Variants in ITGAD observed in about 807,000 individuals in gnomAD.
The protein encoded by ITGAD is integrin alpha-D.
ITGAD carries 105 observed loss-of-function variants against 139.0 expected under a neutral mutation model. The observed-to-expected ratio is 0.76, with a 90% confidence interval of 0.65 to 0.89. The LOEUF (loss-of-function observed/expected upper bound fraction) is 0.89. Among genes scored for constraint, ITGAD ranks in the 40% least tolerant of loss-of-function variants. The pLI is 0.00. For missense variants in ITGAD, 1,384 were observed against 1,487.3 expected (o/e 0.93, Z 1.14); for synonymous variants, 569 against 598.3 (o/e 0.95, Z 0.71).
chr16:31,417,558 C>T lies in ITGAD; in HGVS notation c.2500-517C>T, dbSNP rs2081921070. Among the ~76,000 whole-genome samples the T allele has an allele frequency of 2.0e-5, 3 of 151,660 alleles. No individual in the cohort carries two copies. The South Asian group carries it at 6.2e-4, about 31-fold the overall frequency. ...CAATTTCTTTTTCTTCTTTCTCCTC[C>T]TCTTCCTCTTGTACTTTCTTTACTT... On this transcript the variant is annotated intron_variant, in intron 20 of 29. Transcript: ENST00000389202.
intron 14 of ITGAD, among the ~76,000 whole-genome samples, chr16:31,412,223 T>C (rs2081741873): frequency 6.6e-6 from 1 of 152,218 alleles, no homozygotes; most frequent in Admixed American, 6.5e-5. Flanking sequence ...TTTGTATTTT[T>C]AGTAGAGATG....
rs769152136 is a variant in ITGAD, at chr16:31,423,112, A to T, written c.2781-2A>T. On this transcript the variant is annotated splice_acceptor_variant, in intron 23 of 29. Coordinates refer to ENST00000389202, the MANE Select transcript of ITGAD (RefSeq NM_005353.3). LOFTEE classifies it high-confidence loss of function. The stretch of plus-strand genomic sequence containing the variant: ...TTTTTCACCCACAGGCTCTCTCTCC[A>T]GGCAGGAAGAATCCACCAAGTACTT... The T allele has an allele frequency of 6.2e-7, 1 of 1,613,760 alleles. No individual in the cohort carries two copies. The highest frequency in any genetic ancestry group is 2.2e-5 in the East Asian group (1 of 44,876).
intron 23 of ITGAD, 93 bp downstream of exon 23, chr16:31,418,657 A>G: frequency 5.4e-6 from 5 of 928,820 alleles, no homozygotes; most frequent in Middle Eastern, 2.1e-4. Flanking sequence ...AATGATGCAC[A>G]TCTAAGCTCT....
rs780498319 is a variant in ITGAD, at chr16:31,424,244, A to G, written c.3261+41A>G. ...AGGGCAGCGACCAGCTGGAAAGAGG[A>G]CCCCTAGGGCTACATCTGTGGTGCT... is the stretch of plus-strand genomic sequence containing the variant. On this transcript the variant is annotated intron_variant, in intron 28 of 29. Coordinates refer to ENST00000389202, the MANE Select transcript of ITGAD (RefSeq NM_005353.3). 35 of 1,609,092 alleles carry G rather than the reference A, an allele frequency of 2.2e-5. No homozygotes were observed. In the South Asian group the frequency reaches 3.2e-4, roughly 15 times the overall value.
chr16:31,424,002 G>T lies in ITGAD; in HGVS notation c.3159+44G>T, dbSNP rs2082060859. The T allele has an allele frequency of 3.1e-6, 5 of 1,609,912 alleles. No individual in the cohort carries two copies. The Admixed American group carries it at 5.0e-5, about 16-fold the overall frequency. Reference sequence around the variant, plus strand: ...AGAGCCCCTGCCCCAGACTCAGGCAGGACCTGGCATGTCTGTGCCCATCTG... The same window carrying T: ...AGAGCCCCTGCCCCAGACTCAGGCATGACCTGGCATGTCTGTGCCCATCTG... On this transcript the variant is annotated intron_variant, in intron 27 of 29. Transcript: ENST00000389202.
chr16:31,403,342 G>A lies in ITGAD; in HGVS notation c.559-158G>A. 2 of 796,098 alleles carry A rather than the reference G, an allele frequency of 2.5e-6. No homozygotes were observed. The highest frequency in any genetic ancestry group is 4.0e-6 in the Non-Finnish European group (2 of 497,230). The allele number at this position is 796,098 out of a possible 1,614,324, so 49.3% of individuals were successfully genotyped here. On this transcript the variant is annotated intron_variant, in intron 6 of 29. Coordinates refer to ENST00000389202, the MANE Select transcript of ITGAD (RefSeq NM_005353.3). This position sits in a 1 kb window ranked among gnomAD's most constrained non-coding sequence, Gnocchi z 4.4. ...CAAAACAAAACAAAAAACAAAGCCA[G>A]GCATGTGACGTGTGCCTGTAGTTCC...
rs751767956 is a variant in ITGAD, at chr16:31,393,372, C to A, written c.12C>A (p.Gly4=). 5.6e-6 allele frequency: 9 copies of A among 1,614,020 alleles called. No individual in the cohort carries two copies. The Admixed American group carries it at 1.5e-4, about 27-fold the overall frequency. Residue 4 remains glycine, a synonymous_variant, in exon 1 of 30, where the codon GGC becomes GGA. Transcript: ENST00000389202. ...CGCGCTGCTCAGGGATGACCTTCGG[C>A]ACTGTGCTTCTTCTGAGTGGTAAGT... MTF[G]TVLLLSVLAS... is the part of the protein sequence containing the mutation.
Position 31,397,437 on chromosome 16 carries a change from C to A in ITGAD, c.216C>A (p.Gly72=). ...TGTATGACTGCGCAGCTGCCACCGG[C>A]ATGTGCCAGCCCATCCCGCTGCACA... is the stretch of plus-strand genomic sequence containing the variant. The part of the protein sequence containing the change: ...GRLYDCAAAT[G]MCQPIPLHIR... Residue 72 remains glycine (G), a synonymous_variant, in exon 3 of 30, where the codon GGC becomes GGA. Coordinates refer to ENST00000389202, the MANE Select transcript of ITGAD (RefSeq NM_005353.3). 6.2e-7 allele frequency: 1 copy of A among 1,600,038 alleles called. No individual in the cohort carries two copies. The highest frequency in any genetic ancestry group is 2.3e-5 in the East Asian group (1 of 44,168).
At chr16:31,404,448 G>C (rs925479430) in intron 7 of ITGAD, 1 of 152,204 alleles carries the variant, frequency 6.6e-6, no homozygotes, top group Non-Finnish European at 1.5e-5. Flanking sequence ...CCCACCAAAC[G>C]CACCCTCTTT....
chr16:31,420,131 C>T (rs560208967), intron 23 of ITGAD, among the ~76,000 whole-genome samples: 3 of 152,274 alleles, frequency 2.0e-5, no homozygotes, highest in East Asian at 3.9e-4. Flanking sequence ...GGAGCTTGTG[C>T]CCAACAGGAT....
chr16:31,425,972 G>A, intron 29 of ITGAD, 43 bp from the exon 30 acceptor site: 1 of 1,357,220 alleles, frequency 7.4e-7, no homozygotes, highest in Non-Finnish European at 1.1e-6. Flanking sequence ...TGAGCCACCG[G>A]GCCCGGACTT....
At chr16:31,416,340 C>A in intron 19 of ITGAD, 54 bp downstream of exon 19, 3 of 1,527,574 alleles carry the variant, frequency 2.0e-6, no homozygotes, top group Non-Finnish European at 2.7e-6. Context: ...GTCCCCCATC[C>A]TCCTGGGATG....
rs373411802 is a variant in ITGAD, at chr16:31,423,974, G to A, written c.3159+16G>A. On this transcript the variant is annotated intron_variant, in intron 27 of 29. Coordinates refer to ENST00000389202, the MANE Select transcript of ITGAD (RefSeq NM_005353.3). ...GGTCCGCGAGGTGTGTGGGGGCAGC[G>A]GCAGAGCCCCTGCCCCAGACTCAGG... 49 of 1,613,252 alleles carry A rather than the reference G, an allele frequency of 3.0e-5. No individual in the cohort carries two copies. The highest frequency in any genetic ancestry group is 6.7e-5 in the Admixed American group (4 of 59,990).
At chr16:31,423,993 A>T in intron 27 of ITGAD, 35 bp downstream of exon 27, 5 of 1,609,870 alleles carry the variant, frequency 3.1e-6, no homozygotes, top group Non-Finnish European at 4.3e-6. Context: ...CCTGCCCCAG[A>T]CTCAGGCAGG....
intron 5 of ITGAD, among the ~76,000 whole-genome samples, chr16:31,399,808 AGTGCTGAATACCTGGTAT>A (rs1256247567): frequency 6.5e-4 from 99 of 152,358 alleles, no homozygotes; most frequent in African/African-American, 2.3e-3. Flanking sequence ...TGTGCCAAGC[AGTGCTGAATACCTGGTAT>A]GAATCACCTT....
chr16:31,409,860 G>A (rs1234161208), intron 10 of ITGAD, among the ~76,000 whole-genome samples: 1 of 139,922 alleles, frequency 7.1e-6, no homozygotes, highest in Non-Finnish European at 1.5e-5. Context: ...TGCAGTGAGC[G>A]ATGATTGTGC....
chr16:31,400,753 G>A (rs561634300), intron 5 of ITGAD, among the ~76,000 whole-genome samples: 9 of 151,800 alleles, frequency 5.9e-5, no homozygotes, highest in Non-Finnish European at 1.0e-4. Flanking sequence ...TACAGGCACC[G>A]CCACCATGCC....
chr16:31,410,883 G>T lies in ITGAD; in HGVS notation c.1356+5G>T. On this transcript the variant is annotated splice_donor_5th_base_variant and intron_variant, in intron 12 of 29. Coordinates refer to ENST00000389202, the MANE Select transcript of ITGAD (RefSeq NM_005353.3). ...GCCGAAGTCACAGGGACGCAGGTTG[G>T]GCGTGACAGGAGCCAGAGGGGAGGA... 6.2e-7 allele frequency: 1 copy of T among 1,613,286 alleles called. No individual in the cohort carries two copies. Among genetic ancestry groups the T allele is most frequent in the South Asian group, 1.1e-5 (1 of 91,018 alleles).
rs888611488 is a variant in ITGAD at position 31,398,004 on chromosome 16, C to G, written c.427+95C>G. ...CTGTGTCTGGGCCCCTGTGCCCTCC[C>G]TGGAGGGCCGAGTGTGGCTAGGAGA... is the stretch of plus-strand genomic sequence containing the variant. On this transcript the variant is annotated intron_variant, in intron 5 of 29. Transcript: ENST00000389202. 9 of 899,300 alleles carry G rather than the reference C, an allele frequency of 1.0e-5. No homozygotes were observed. The Admixed American group carries it at 1.2e-4, about 12-fold the overall frequency. 55.7% of individuals were successfully genotyped at this position (899,300 alleles called of 1,614,324 possible).
Sources: gnomAD v4.1 joint callset for allele counts (sites outside exome capture counted in the v4.1 genomes callset) on GRCh38, gnomAD v4.1.1 for gene constraint, Gnocchi (gnomAD v3.1) non-coding constraint, MANE v1.5 for transcripts, NCBI Gene and HGNC (gene_info 2026-07-23, HGNC 2026-07-21) for gene names.